TBC1D14: variants seen among roughly 807,000 people sequenced by gnomAD.
TBC1D14 encodes the protein TBC1 domain family member 14.
Under a neutral mutation model 79.0 loss-of-function variants are expected in TBC1D14, and 26 were observed. The ratio of observed to expected loss-of-function variants is 0.33; its 90% CI spans 0.24 to 0.46. TBC1D14 has a LOEUF of 0.46. Ranked by LOEUF, TBC1D14 falls within the 20% of genes least tolerant of loss-of-function variation. The pLI, the probability that TBC1D14 is intolerant of heterozygous loss-of-function variation, is 1.00. For missense variants in TBC1D14, 769 were observed against 887.6 expected (o/e 0.87, Z 1.70); for synonymous variants, 394 against 349.9 (o/e 1.13, Z -1.40).
intron 12 of TBC1D14, among the ~76,000 whole-genome samples, chr4:7,015,123 C>T (rs981614535): frequency 9.2e-5 from 14 of 152,114 alleles, no homozygotes; most frequent in African/African-American, 2.2e-4. Flanking sequence ...GGCCAGGTCA[C>T]GGTGGCTCTT....
At chr4:6,998,155 T>G (rs1258356520) in intron 5 of TBC1D14, among the ~76,000 whole-genome samples, 1 of 151,882 alleles carries the variant, frequency 6.6e-6, no homozygotes, top group Non-Finnish European at 1.5e-5. Flanking sequence ...TGGTCAGGAG[T>G]TTGAGACCAG....
intron 2 of TBC1D14, among the ~76,000 whole-genome samples, chr4:6,962,937 G>C (rs548220751): frequency 6.6e-6 from 1 of 152,346 alleles, no homozygotes; most frequent in African/African-American, 2.4e-5. Context: ...GCCAGCAGAC[G>C]TGTGTAGAAC....
intron 3 of TBC1D14, among the ~76,000 whole-genome samples, chr4:6,980,903 G>A (rs2109096878): frequency 6.6e-6 from 1 of 151,784 alleles, no homozygotes; most frequent in East Asian, 1.9e-4. Context: ...TTTTAGTAGA[G>A]ACGGGGTTTC....
intron 3 of TBC1D14, among the ~76,000 whole-genome samples, chr4:6,977,078 TCTC>T (rs1238260057): frequency 1.4e-3 from 16 of 11,650 alleles, no homozygotes; most frequent in Non-Finnish European, 1.9e-3. Context: ...TCCCTCTCCC[TCTC>T]CCTCTCCCCA....
At chr4:6,932,695 C>G (rs555153964) in intron 2 of TBC1D14, among the ~76,000 whole-genome samples, 2 of 152,160 alleles carry the variant, frequency 1.3e-5, no homozygotes, top group South Asian at 2.1e-4. Context: ...GCAGCCATAG[C>G]GCAGTGTGGC....
At chr4:6,919,955 C>G (rs749107923) in intron 1 of TBC1D14, among the ~76,000 whole-genome samples, 20 of 152,278 alleles carry the variant, frequency 1.3e-4, no homozygotes, top group Non-Finnish European at 2.4e-4. Context: ...CGCTGTGTTG[C>G]CCAGGCTGGA....
chr4:6,991,559 C>T (rs1228356553), intron 3 of TBC1D14, among the ~76,000 whole-genome samples: 6 of 152,218 alleles, frequency 3.9e-5, no homozygotes, highest in Admixed American at 6.5e-5. Context: ...TAGCCTGCAT[C>T]CCTGCTTTTT....
chr4:6,994,401 G>A (rs1447931643), intron 4 of TBC1D14, 99 bp downstream of exon 4: 1 of 1,048,772 alleles, frequency 9.5e-7, no homozygotes, highest in East Asian at 2.4e-5. Context: ...TCAGAAAAGG[G>A]GAGAAGAGTA....
In TBC1D14 at chr4:6,917,399, C is replaced by T. The variant is rs181052099; in HGVS notation, c.-17-5974C>T. 4.4e-3 allele frequency among the ~76,000 whole-genome samples: 675 copies of T among 152,232 alleles called. 19 individuals carry two copies. The highest frequency in any genetic ancestry group is 1.2e-3 in the Non-Finnish European group (79 of 68,014). On this transcript the variant is annotated intron_variant, in intron 1 of 13. Transcript: ENST00000409757. ...AATAGCTGTTTCAGGTGGGGTGTAGCCAAAAGGAGCCCAGGAGGAAGGAGG... is the reference window on the plus strand; with the variant it reads ...AATAGCTGTTTCAGGTGGGGTGTAGTCAAAAGGAGCCCAGGAGGAAGGAGG...
chr4:6,920,503 C>T (rs1476756748), intron 1 of TBC1D14, among the ~76,000 whole-genome samples: 1 of 152,110 alleles, frequency 6.6e-6, no homozygotes, highest in African/African-American at 2.4e-5. Context: ...GCCAGGCTTC[C>T]TAAAGTAGGA....
chr4:6,987,080 C>G (rs1717913856), intron 3 of TBC1D14: 2 of 947,050 alleles, frequency 2.1e-6, no homozygotes, highest in Non-Finnish European at 2.7e-6. Flanking sequence ...ACGCCCCAGC[C>G]CCGCCCCTTG....
chr4:6,942,589 G>A (rs1713015443), intron 2 of TBC1D14, among the ~76,000 whole-genome samples: 1 of 152,318 alleles, frequency 6.6e-6, no homozygotes, highest in Middle Eastern at 3.4e-3. Context: ...GTTTATAGGC[G>A]TTTGAAAGTT....
At chr4:6,982,942 A>T (rs534676419) in intron 3 of TBC1D14, among the ~76,000 whole-genome samples, 1 of 152,326 alleles carries the variant, frequency 6.6e-6, no homozygotes, top group South Asian at 2.1e-4. Context: ...AACTGGGTAC[A>T]TGGGAGATAG....
chr4:6,979,592 C>T (rs1430583872), intron 3 of TBC1D14, among the ~76,000 whole-genome samples: 2 of 152,092 alleles, frequency 1.3e-5, no homozygotes, highest in African/African-American at 4.8e-5. Flanking sequence ...GCATGCTAGC[C>T]TGAGTGACAG....
intron 9 of TBC1D14, 151 bp downstream of exon 9, chr4:7,006,877 CT>C (rs896300301): frequency 3.3e-6 from 2 of 598,928 alleles, no homozygotes; most frequent in African/African-American, 3.8e-5. Flanking sequence ...TACATTTAGA[CT>C]TTTTAAAATA....
intron 7 of TBC1D14, among the ~76,000 whole-genome samples, chr4:7,003,141 AG>A (rs1719836597): frequency 6.6e-6 from 1 of 152,224 alleles, no homozygotes; most frequent in African/African-American, 2.4e-5. Flanking sequence ...ACATTGGAGC[AG>A]GGGGTTTGGG....
At chr4:6,981,604 G>T (rs569239285) in intron 3 of TBC1D14, among the ~76,000 whole-genome samples, 6 of 152,112 alleles carry the variant, frequency 3.9e-5, no homozygotes, top group Admixed American at 6.6e-5. Context: ...TATCCCTTTT[G>T]AAGACACACA....
chr4:6,924,143 G>A (rs947147787), intron 2 of TBC1D14, 32 bp downstream of exon 2: 1 of 1,585,572 alleles, frequency 6.3e-7, no homozygotes, highest in African/African-American at 1.3e-5. Context: ...AGAAGATCGT[G>A]GTGGTTGAGT....
rs755746759 is a variant in TBC1D14 at position 7,025,051 on chromosome 4, G to A, written c.1805G>A (p.Arg602His). ...TCTCTGCCCCTCGACCTGGCCTGTCGTATCTGGGACGTGTTCTGTCGCGAT... is the reference window on the plus strand; with the variant it reads ...TCTCTGCCCCTCGACCTGGCCTGTCATATCTGGGACGTGTTCTGTCGCGAT... ...SKSLPLDLAC[R>H]IWDVFCRDGE... Residue 602 changes from arginine to histidine, a missense_variant, in exon 13 of 14, where the codon CGT becomes CAT. Arg to His is a conservative substitution (Grantham distance 29, BLOSUM62 0). Transcript: ENST00000409757. 4.3e-6 allele frequency: 7 copies of A among 1,614,154 alleles called. No individual in the cohort carries two copies. The highest frequency in any genetic ancestry group is 3.3e-5 in the Admixed American group (2 of 60,010).
Sources: gnomAD v4.1 joint callset for allele counts (sites outside exome capture counted in the v4.1 genomes callset) on GRCh38, gnomAD v4.1.1 for gene constraint, MANE v1.5 for transcripts, NCBI Gene and HGNC (gene_info 2026-07-23, HGNC 2026-07-21) for gene names.